FRMD4A: variants seen among roughly 807,000 people sequenced by gnomAD.
FRMD4A encodes FERM domain containing 4A, also known as FERM domain-containing protein 4A.
A neutral mutation model predicts 129.1 loss-of-function variants in FRMD4A; 29 were observed. That is an observed-to-expected ratio of 0.22 (90% CI 0.17 to 0.31). The LOEUF is 0.31. Among genes scored for constraint, FRMD4A ranks in the 10% least tolerant of loss-of-function variants. The pLI, the probability that FRMD4A is intolerant of heterozygous loss-of-function variation, is 1.00. For synonymous variants in FRMD4A, 634 were observed against 571.6 expected (o/e 1.11, Z -1.56); for missense variants, 1,272 against 1,375.8 (o/e 0.92, Z 1.19).
chr10:14,262,766 T>C (rs1399393342), intron 2 of FRMD4A, among the ~76,000 whole-genome samples: 2 of 151,954 alleles, frequency 1.3e-5, no homozygotes, highest in African/African-American at 4.8e-5. Context: ...GACCTGAGAG[T>C]GGTCATCTTG....
chr10:13,964,647 T>A (rs1213534598), intron 2 of FRMD4A, among the ~76,000 whole-genome samples: 3 of 151,376 alleles, frequency 2.0e-5, no homozygotes, highest in African/African-American at 7.3e-5. Context: ...TTAATTGTCA[T>A]CAGTTACAAC....
intron 2 of FRMD4A, among the ~76,000 whole-genome samples, chr10:14,040,867 G>A (rs1833752624): frequency 6.6e-6 from 1 of 152,184 alleles, no homozygotes; most frequent in South Asian, 2.1e-4. Context: ...GGTGTTGAAG[G>A]GAAGGTGGTT....
rs142453268 is a variant in FRMD4A, at chr10:13,821,055, T to A, written c.112-10147A>T. ...CTGAAGCCTGGGCTGTCACTGTGTG[T>A]CCCTCTCCATCCCCATGGGGGCTCT... On this transcript the variant is annotated intron_variant, in intron 3 of 24. Transcript: ENST00000357447. This position sits in a 1 kb window ranked among gnomAD's most constrained non-coding sequence, Gnocchi z 4.3. Among the ~76,000 whole-genome samples the A allele has an allele frequency of 2.3e-3, 345 of 152,302 alleles. 4 individuals carry two copies. Among genetic ancestry groups the A allele is most frequent in the Middle Eastern group, 6.8e-3 (2 of 294 alleles).
chr10:14,105,995 C>A (rs1588986192), intron 2 of FRMD4A, among the ~76,000 whole-genome samples: 1 of 152,168 alleles, frequency 6.6e-6, no homozygotes, highest in Non-Finnish European at 1.5e-5. Context: ...TGATCTCTGC[C>A]TAACTCCATT....
chr10:14,261,897 C>A (rs1039763715), intron 2 of FRMD4A, among the ~76,000 whole-genome samples: 1 of 150,212 alleles, frequency 6.7e-6, no homozygotes, highest in Non-Finnish European at 1.5e-5. Context: ...GTGCTCCAAC[C>A]CAGCCTCTGT....
intron 17 of FRMD4A, among the ~76,000 whole-genome samples, chr10:13,669,610 A>G (rs2083352043): frequency 6.6e-6 from 1 of 152,204 alleles, no homozygotes; most frequent in Non-Finnish European, 1.5e-5. Context: ...CTGACCTTTT[A>G]AGGCCTCTGT....
chr10:13,882,128 G>A (rs1167509131), intron 2 of FRMD4A, among the ~76,000 whole-genome samples: 9 of 151,872 alleles, frequency 5.9e-5, no homozygotes, highest in South Asian at 4.2e-4. Context: ...TGTGGTCTAC[G>A]AAGAATGCAG....
In FRMD4A at chr10:13,897,936, CAAA is replaced by C. The variant is rs36021849; in HGVS notation, c.46-39027_46-39025del. On this transcript the variant is annotated intron_variant, in intron 2 of 24. Transcript: ENST00000357447. ...TGGGTGACAGACAGAGACTCCGACT[CAAA>C]AAAAAAAAAAAAAAAAGCTAAGATA... Among the ~76,000 whole-genome samples, 66 of 72,320 alleles carry C rather than the reference CAAA, an allele frequency of 9.1e-4. No individual in the cohort carries two copies. The East Asian group carries it at 0.014, about 15-fold the overall frequency. 47.4% of individuals were successfully genotyped at this position (72,320 alleles called of 152,430 possible). A position where few individuals can be genotyped will look rare whatever the true frequency, so the allele number is the denominator to read the frequency against.
rs397721588 is a variant in FRMD4A, at chr10:13,824,321, CAAA to C, written c.112-13416_112-13414del. On this transcript the variant is annotated intron_variant, in intron 3 of 24. Transcript: ENST00000357447. ...TGAAACCCTATCTGTACTAAAAATA[CAAA>C]AAAAAAAAAAAAAAAAAAATTAGCT... Among the ~76,000 whole-genome samples the C allele has an allele frequency of 3.0e-3, 297 of 99,060 alleles. 3 individuals are homozygous for C. The highest frequency in any genetic ancestry group is 0.02 in the Middle Eastern group (3 of 152). The allele number at this position is 99,060 out of a possible 152,430, so 65.0% of individuals were successfully genotyped here.
At chr10:14,249,548 C>T (rs1025814360) in intron 2 of FRMD4A, among the ~76,000 whole-genome samples, 4 of 152,192 alleles carry the variant, frequency 2.6e-5, no homozygotes, top group African/African-American at 7.2e-5. Context: ...CAGCCGCTTC[C>T]CTTTCCAGAA....
chr10:14,222,683 T>C (rs983678492), intron 2 of FRMD4A, among the ~76,000 whole-genome samples: 1 of 152,154 alleles, frequency 6.6e-6, no homozygotes, highest in African/African-American at 2.4e-5. Context: ...CACTGCAGAA[T>C]CAGGCCATGG....
chr10:13,818,863 C>T (rs1010395968), intron 3 of FRMD4A, among the ~76,000 whole-genome samples: 9 of 152,158 alleles, frequency 5.9e-5, no homozygotes, highest in East Asian at 1.9e-4. Context: ...CGGTGGCTCA[C>T]GCCTATAATC....
intron 2 of FRMD4A, among the ~76,000 whole-genome samples, chr10:14,208,815 C>T (rs1385534402): frequency 6.6e-6 from 1 of 152,164 alleles, no homozygotes; most frequent in Non-Finnish European, 1.5e-5. Context: ...TTCCCATTCC[C>T]GGATCCTTGG....
chr10:13,992,164 T>C (rs2095605646), intron 2 of FRMD4A, among the ~76,000 whole-genome samples: 1 of 152,232 alleles, frequency 6.6e-6, no homozygotes. Context: ...AGCAAGATGA[T>C]ACTAAGATAC....
chr10:13,651,303 T>G (rs2081559118), intron 24 of FRMD4A: 2 of 152,540 alleles, frequency 1.3e-5, no homozygotes, highest in Non-Finnish European at 2.9e-5. Flanking sequence ...CTGGGGGTGC[T>G]TCTGGAGCCA....
At chr10:14,211,665 A>G (rs1842937257) in intron 2 of FRMD4A, among the ~76,000 whole-genome samples, 1 of 152,188 alleles carries the variant, frequency 6.6e-6, no homozygotes, top group African/African-American at 2.4e-5. Flanking sequence ...TATCCCCATC[A>G]GAGCAAATGA....
At chr10:14,152,120 T>TC (rs1840368901) in intron 2 of FRMD4A, among the ~76,000 whole-genome samples, 1 of 116,374 alleles carries the variant, frequency 8.6e-6, no homozygotes, top group Non-Finnish European at 1.8e-5. Flanking sequence ...TGTAGTGCTT[T>TC]TTTTTTTTTT....
In FRMD4A at chr10:14,099,436, G is replaced by A. The variant is rs960889364; in HGVS notation, c.45+230622C>T. Among the ~76,000 whole-genome samples, 10 of 152,176 alleles carry A rather than the reference G, an allele frequency of 6.6e-5. 1 individual carries two copies. On this transcript the variant is annotated intron_variant, in intron 2 of 24. Transcript: ENST00000357447. ...GGCAAATCCTGCTTTAAGTGTGTAC[G>A]TGCATAGCCATCCCTCGGGGTATGG...
At chr10:13,867,632 A>AAT (rs1273658571) in intron 2 of FRMD4A, among the ~76,000 whole-genome samples, 2 of 86,978 alleles carry the variant, frequency 2.3e-5, no homozygotes, top group Non-Finnish European at 4.6e-5. Flanking sequence ...TGATATAATT[A>AAT]TGATATATAA....
Sources: gnomAD v4.1 joint callset for allele counts (sites outside exome capture counted in the v4.1 genomes callset) on GRCh38, gnomAD v4.1.1 for gene constraint, Gnocchi (gnomAD v3.1) non-coding constraint, MANE v1.5 for transcripts, NCBI Gene and HGNC (gene_info 2026-07-23, HGNC 2026-07-21) for gene names.